Variants in PLS1 observed in about 807,000 individuals in gnomAD.
PLS1 encodes the protein plastin-1.
In PLS1, 32 loss-of-function variants were observed where a neutral mutation model predicts 73.7. The ratio of observed to expected loss-of-function variants is 0.43; its 90% confidence interval spans 0.33 to 0.58. The LOEUF (loss-of-function observed/expected upper bound fraction) is 0.58, where lower values mean the gene tolerates loss of function less well. PLS1 is among the 20% of genes least tolerant of loss of function. The pLI is 0.04. For synonymous variants in PLS1, 217 were observed against 261.3 expected (o/e 0.83, Z 1.63); for missense variants, 633 against 740.5 (o/e 0.85, Z 1.68).
chr3:142,689,162 A>G (rs1020845090), intron 9 of PLS1, among the ~76,000 whole-genome samples: 6 of 152,234 alleles, frequency 3.9e-5, no homozygotes, highest in African/African-American at 1.4e-4. Flanking sequence ...GGCTGGGCTT[A>G]GTGGCTCACG....
At chr3:142,626,169 A>G (rs2036423718) in intron 1 of PLS1, among the ~76,000 whole-genome samples, 1 of 152,212 alleles carries the variant, frequency 6.6e-6, no homozygotes, top group Admixed American at 6.5e-5. Context: ...CAAGTAGAGC[A>G]CAGACAGATC....
rs374394796 is a variant in PLS1 at position 142,676,267 on chromosome 3, C to T, written c.475C>T (p.Leu159Phe). Residue 159 changes from leucine to phenylalanine, a missense_variant, in exon 5 of 16, where the codon CTT (leucine) becomes TTT (phenylalanine). Leu to Phe is a conservative substitution (Grantham distance 22). Transcript: ENST00000457734. The part of the protein sequence containing the change: ...NPNDDSLFKS[L>F]ADGILLCKMI... ...CAATGATGATAGTCTTTTCAAGTCA[C>T]TTGCAGATGGCATCCTTCTTTGGTG... 3.1e-6 allele frequency: 5 copies of T among 1,613,140 alleles called. No individual in the cohort carries two copies. Among genetic ancestry groups the T allele is most frequent in the Middle Eastern group, 3.3e-4 (2 of 6,084 alleles).
intron 12 of PLS1, among the ~76,000 whole-genome samples, chr3:142,702,974 T>TGCA (rs574726033): frequency 3.3e-4 from 51 of 152,280 alleles, no homozygotes; most frequent in African/African-American, 1.2e-3. Context: ...TAGAAGATGG[T>TGCA]GCATAAGCAT....
chr3:142,667,666 A>G (rs1436057302), intron 2 of PLS1, among the ~76,000 whole-genome samples: 1 of 152,204 alleles, frequency 6.6e-6, no homozygotes, highest in Non-Finnish European at 1.5e-5. Flanking sequence ...ATCTGTCTTC[A>G]GAATCCTAGC....
chr3:142,666,171 TA>T (rs1413972344), intron 2 of PLS1, among the ~76,000 whole-genome samples: 4 of 152,218 alleles, frequency 2.6e-5, no homozygotes, highest in Non-Finnish European at 5.9e-5. Flanking sequence ...GAAATTGTGG[TA>T]AAATATACAT....
intron 1 of PLS1, among the ~76,000 whole-genome samples, chr3:142,640,286 G>C (rs546842919): frequency 5.9e-5 from 9 of 152,306 alleles, no homozygotes; most frequent in Middle Eastern, 6.8e-3. Context: ...TAGGGTTTTA[G>C]TGACTTTCTG....
intron 1 of PLS1, among the ~76,000 whole-genome samples, chr3:142,602,281 C>A (rs755870049): frequency 6.6e-6 from 1 of 151,960 alleles, no homozygotes; most frequent in Non-Finnish European, 1.5e-5. Context: ...TCATCCAGGG[C>A]GTGTCTGTGG....
intron 4 of PLS1, chr3:142,673,731 T>C: frequency 7.3e-6 from 1 of 137,000 alleles, no homozygotes; most frequent in East Asian, 2.0e-4. Context: ...CGAAGCTGCG[T>C]GCTCGGTTGA....
At position 142,600,765 on chromosome 3, in the gene PLS1, A is replaced by G. The variant is rs1487116964; in HGVS notation, c.-37+4256A>G. 2.0e-5 allele frequency among the ~76,000 whole-genome samples: 3 copies of G among 150,514 alleles called. No individual in the cohort carries two copies. The East Asian group carries it at 5.9e-4, about 30-fold the overall frequency. On this transcript the variant is annotated intron_variant, in intron 1 of 15. Coordinates refer to ENST00000457734, the MANE Select transcript of PLS1 (RefSeq NM_001145319.2). ...CCACCATCTTCATATTTCCACAGGC[A>G]ACGATGGTCCATTAAAAATGTCAAG...
chr3:142,656,478 T>C (rs993758277), intron 1 of PLS1: 4 of 152,246 alleles, frequency 2.6e-5, no homozygotes, highest in African/African-American at 9.6e-5. Context: ...TTCATACTTA[T>C]ATTCAACAGT....
In PLS1 at chr3:142,604,362, A is replaced by T. The variant is rs192018120; in HGVS notation, c.-37+7853A>T. 2.0e-4 allele frequency among the ~76,000 whole-genome samples: 30 copies of T among 152,244 alleles called. 1 individual carries two copies. In the East Asian group the frequency reaches 5.6e-3, roughly 28 times the overall value. On this transcript the variant is annotated intron_variant, in intron 1 of 15. Coordinates refer to ENST00000457734, the MANE Select transcript of PLS1 (RefSeq NM_001145319.2). ...CTCCTGCTGTCTCTTCCTGGAGAGCACTCTGAATTCTTTCCTGGCGGTCTC... is the reference window on the plus strand; with the variant it reads ...CTCCTGCTGTCTCTTCCTGGAGAGCTCTCTGAATTCTTTCCTGGCGGTCTC...
At chr3:142,612,631 A>C in intron 1 of PLS1, among the ~76,000 whole-genome samples, 1 of 151,842 alleles carries the variant, frequency 6.6e-6, no homozygotes, top group East Asian at 1.9e-4. Context: ...GTGCACCTAT[A>C]CTCCTAGCTA....
In PLS1 at chr3:142,666,979, G is replaced by A. The variant is rs529819698; in HGVS notation, c.71-2411G>A. Among the ~76,000 whole-genome samples, 10 of 152,228 alleles carry A rather than the reference G, an allele frequency of 6.6e-5. No individual in the cohort carries two copies. In the South Asian group the frequency reaches 1.0e-3, roughly 16 times the overall value. ...AGCCCTTTGCCTATTTTTGAATCACGTTGTTTTGTTGTTGTTGTCGAGTTG... is the reference window on the plus strand; with the variant it reads ...AGCCCTTTGCCTATTTTTGAATCACATTGTTTTGTTGTTGTTGTCGAGTTG... On this transcript the variant is annotated intron_variant, in intron 2 of 15. Coordinates refer to ENST00000457734, the MANE Select transcript of PLS1 (RefSeq NM_001145319.2).
intron 12 of PLS1, among the ~76,000 whole-genome samples, chr3:142,703,444 C>T (rs1000688451): frequency 6.6e-6 from 1 of 151,924 alleles, no homozygotes; most frequent in South Asian, 2.1e-4. Context: ...TACAGGCACC[C>T]GCCACCACAC....
At chr3:142,641,296 A>T (rs1052178193) in intron 1 of PLS1, among the ~76,000 whole-genome samples, 1 of 146,370 alleles carries the variant, frequency 6.8e-6, no homozygotes, top group Non-Finnish European at 1.5e-5. Flanking sequence ...TATTATATAT[A>T]GATAAATAAT....
At chr3:142,603,857 CAA>C (rs1194972243) in intron 1 of PLS1, among the ~76,000 whole-genome samples, 1 of 148,310 alleles carries the variant, frequency 6.7e-6, no homozygotes, top group Non-Finnish European at 1.5e-5. Context: ...AAGCTGACCA[CAA>C]AAAAAAAGGA....
At chr3:142,603,292 G>A (rs1305657724) in intron 1 of PLS1, among the ~76,000 whole-genome samples, 9 of 152,118 alleles carry the variant, frequency 5.9e-5, no homozygotes, top group Admixed American at 5.9e-4. Context: ...TAGTAATATT[G>A]TGGGCACAGA....
intron 2 of PLS1, among the ~76,000 whole-genome samples, chr3:142,669,014 C>T (rs2037542216): frequency 6.6e-6 from 1 of 152,004 alleles, no homozygotes; most frequent in African/African-American, 2.4e-5. Context: ...GGGATAAACT[C>T]GATTTAAATA....
At chr3:142,657,530 C>T (rs565483017) in intron 1 of PLS1, among the ~76,000 whole-genome samples, 62 of 152,322 alleles carry the variant, frequency 4.1e-4, no homozygotes, top group Non-Finnish European at 7.9e-4. Flanking sequence ...CATTGTCACC[C>T]GAGCTGGTGT....
Sources: gnomAD v4.1 joint callset for allele counts (sites outside exome capture counted in the v4.1 genomes callset) on GRCh38, gnomAD v4.1.1 for gene constraint, MANE v1.5 for transcripts, NCBI Gene and HGNC (gene_info 2026-07-23, HGNC 2026-07-21) for gene names.